The following INSC variants were observed in gnomAD, a reference collection of about 807,000 sequenced individuals.
INSC encodes protein inscuteable homolog.
In INSC, 67 loss-of-function variants were observed where a neutral mutation model predicts 58.6. The ratio of observed to expected loss-of-function variants is 1.14; its 90% CI spans 0.94 to 1.40. The LOEUF is 1.40. Among genes scored for constraint, INSC ranks in the 40% most tolerant of loss-of-function variants. The pLI is 0.00. For missense variants in INSC, 714 were observed against 692.0 expected (o/e 1.03, Z -0.36); for synonymous variants, 262 against 276.1 (o/e 0.95, Z 0.51).
chr11:15,158,858 T>G (rs1848908959), intron 2 of INSC, among the ~76,000 whole-genome samples: 1 of 112,804 alleles, frequency 8.9e-6, no homozygotes, highest in African/African-American at 3.4e-5. Context: ...GAATTGTTGG[T>G]GGTTTTTTTT....
chr11:15,216,178 A>G (rs1395878629), intron 7 of INSC, among the ~76,000 whole-genome samples: 2 of 152,148 alleles, frequency 1.3e-5, no homozygotes, highest in Non-Finnish European at 2.9e-5. Flanking sequence ...GGAGAGGCCA[A>G]CAGAGCAAAT....
intron 12 of INSC, among the ~76,000 whole-genome samples, chr11:15,245,051 G>A (rs564982664): frequency 9.8e-5 from 15 of 152,302 alleles, no homozygotes; most frequent in Admixed American, 9.1e-4. Context: ...TGTGTTGTCT[G>A]CTATAGATAC....
chr11:15,198,291 AG>A (rs1199611135), intron 6 of INSC, among the ~76,000 whole-genome samples: 1 of 152,172 alleles, frequency 6.6e-6, no homozygotes, highest in Non-Finnish European at 1.5e-5. Flanking sequence ...CCAGCAGCAA[AG>A]CCAGGATTTG....
At chr11:15,197,960 G>T (rs1213070560) in intron 6 of INSC, among the ~76,000 whole-genome samples, 1 of 152,092 alleles carries the variant, frequency 6.6e-6, no homozygotes, top group Admixed American at 6.6e-5. Context: ...GTGTGATTCT[G>T]CTAGGTCAGG....
intron 6 of INSC, among the ~76,000 whole-genome samples, chr11:15,195,963 G>C (rs758972582): frequency 1.3e-5 from 2 of 152,128 alleles, no homozygotes; most frequent in Non-Finnish European, 2.9e-5. Flanking sequence ...AAAACAAAAG[G>C]CTAAGGTGAA....
chr11:15,201,211 G>A (rs1850578653), intron 7 of INSC, among the ~76,000 whole-genome samples: 1 of 152,132 alleles, frequency 6.6e-6, no homozygotes, highest in Non-Finnish European at 1.5e-5. Flanking sequence ...TGACAACTGG[G>A]GAGACTCCTG....
chr11:15,268,981 T>C, the INSC span, among the ~76,000 whole-genome samples: 1 of 152,080 alleles, frequency 6.6e-6, no homozygotes, highest in South Asian at 2.1e-4. Context: ...ACATCTGTTA[T>C]TGATACAGAG....
At chr11:15,136,231 A>T (rs139902236) in intron 1 of INSC, among the ~76,000 whole-genome samples, 1 of 152,302 alleles carries the variant, frequency 6.6e-6, no homozygotes, top group East Asian at 1.9e-4. Flanking sequence ...ATGTCTAAAA[A>T]CAATGTACAT....
At chr11:15,214,435 A>G (rs1247151778) in intron 7 of INSC, among the ~76,000 whole-genome samples, 2 of 152,218 alleles carry the variant, frequency 1.3e-5, no homozygotes, top group Non-Finnish European at 2.9e-5. Context: ...TTAGACACAT[A>G]AAACAAAAAC....
intron 5 of INSC, among the ~76,000 whole-genome samples, chr11:15,187,306 T>C (rs765549980): frequency 5.9e-5 from 9 of 151,598 alleles, no homozygotes; most frequent in Non-Finnish European, 1.2e-4. Context: ...TAAGACCAGA[T>C]TCAAGGGAAG....
intron 7 of INSC, among the ~76,000 whole-genome samples, chr11:15,204,669 G>C (rs374456796): frequency 6.6e-6 from 1 of 152,202 alleles, no homozygotes; most frequent in South Asian, 2.1e-4. Context: ...AGGTGGAGTG[G>C]GGAAGTGTGG....
rs560088620 is a variant in INSC at position 15,147,590 on chromosome 11, A to G, written c.-45-1540A>G. On this transcript the variant is annotated intron_variant, in intron 1 of 12. Coordinates refer to ENST00000379556, the MANE Select transcript of INSC (RefSeq NM_001042536.3). ...CTCAACATCAATGTGTTAAAAATTT[A>G]TCCCTCTTATTCTTTCAACAGACGT... Among the ~76,000 whole-genome samples the G allele has an allele frequency of 3.9e-5, 6 of 152,326 alleles. No individual in the cohort carries two copies. The South Asian group carries it at 1.2e-3, about 32-fold the overall frequency.
intron 1 of INSC, among the ~76,000 whole-genome samples, chr11:15,137,794 T>G (rs1352626941): frequency 6.6e-6 from 1 of 152,252 alleles, no homozygotes. Context: ...CTTGCTTTTT[T>G]GTCATTCATG....
chr11:15,149,480 A>G (rs78047984), intron 2 of INSC, among the ~76,000 whole-genome samples: 6,797 of 152,302 alleles, frequency 0.045, 274 homozygotes, highest in African/African-American at 0.1. Context: ...GAGGCTGACC[A>G]TGAAACAAAG....
intron 1 of INSC, among the ~76,000 whole-genome samples, chr11:15,126,170 C>T (rs927862391): frequency 2.6e-5 from 4 of 152,070 alleles, no homozygotes; most frequent in South Asian, 2.1e-4. Flanking sequence ...GAGGCTGAAA[C>T]GAAAATCAGA....
chr11:15,247,879 A>G (rs1852608919), downstream of INSC, among the ~76,000 whole-genome samples: 1 of 152,124 alleles, frequency 6.6e-6, no homozygotes, highest in Admixed American at 6.5e-5. Flanking sequence ...GAAACTATCA[A>G]GCTTGAAAGC....
At chr11:15,239,486 T>A (rs139893033) in intron 11 of INSC, among the ~76,000 whole-genome samples, 23 of 152,352 alleles carry the variant, frequency 1.5e-4, no homozygotes, top group African/African-American at 5.3e-4. Context: ...TTATTCACTA[T>A]TAACTCATTC....
chr11:15,174,972 C>A (rs1236609067), intron 2 of INSC, among the ~76,000 whole-genome samples: 2 of 152,112 alleles, frequency 1.3e-5, no homozygotes, highest in African/African-American at 4.8e-5. Context: ...TTTTAGAGTG[C>A]ATTTTATTTG....
rs1330741627 is a variant in INSC at position 15,115,023 on chromosome 11, A to G, written c.-46+20A>G. 5.1e-6 allele frequency: 5 copies of G among 985,128 alleles called. No homozygotes were observed. The allele number at this position is 985,128 out of a possible 1,614,324, so 61.0% of individuals were successfully genotyped here. ...CGCTAAGTAAGTAGACAGCTCCCCT[A>G]GCTGGATTCAGGGGGCTGGTGATGC... is the stretch of plus-strand genomic sequence containing the variant. On this transcript the variant is annotated intron_variant, in intron 1 of 12. Coordinates refer to ENST00000379556, the MANE Select transcript of INSC (RefSeq NM_001042536.3).
Sources: allele counts gnomAD v4.1 joint callset (sites outside exome capture counted in the v4.1 genomes callset), GRCh38; gene constraint gnomAD v4.1.1; transcripts MANE v1.5; gene names NCBI Gene and HGNC (gene_info 2026-07-23, HGNC 2026-07-21).